The following DLGAP4 variants were observed in gnomAD, a reference collection of about 807,000 sequenced individuals.
DLGAP4 encodes the protein DLG associated protein 4, also known as disks large-associated protein 4.
In DLGAP4, 18 loss-of-function variants were observed where a neutral mutation model predicts 86.9. The observed-to-expected ratio is 0.21, with a 90% confidence interval of 0.14 to 0.31. The LOEUF (loss-of-function observed/expected upper bound fraction) is 0.31, where lower values mean the gene tolerates loss of function less well. Among genes scored for constraint, DLGAP4 ranks in the 10% least tolerant of loss-of-function variants. The pLI is 1.00. For synonymous variants in DLGAP4, 548 were observed against 574.3 expected, an observed-to-expected ratio of 0.95 and a Z score of 0.65; for missense variants, 1,085 against 1,362.6, an observed-to-expected ratio of 0.80 and a Z score of 3.21.
chr20:36,453,953 A>AAAAAAAAG (rs2033811273), intron 7 of DLGAP4, among the ~76,000 whole-genome samples: 1 of 148,008 alleles, frequency 6.8e-6, no homozygotes, highest in African/African-American at 2.5e-5. Flanking sequence ...AAAAAAAAAA[A>AAAAAAAAG]AAAGAAAGAA....
At chr20:36,374,341 G>A (rs1017958367) in intron 2 of DLGAP4, among the ~76,000 whole-genome samples, 1 of 152,228 alleles carries the variant, frequency 6.6e-6, no homozygotes, top group Non-Finnish European at 1.5e-5. Flanking sequence ...CAAGGAAGAG[G>A]CTTCTTGGAG....
At chr20:36,338,886 A>AC (rs1331186877) in intron 1 of DLGAP4, among the ~76,000 whole-genome samples, 3 of 152,184 alleles carry the variant, frequency 2.0e-5, no homozygotes, top group Non-Finnish European at 4.4e-5. Context: ...TGGGCAAGGA[A>AC]ACAGCATGGC....
chr20:36,317,316 CCTT>C (rs1346750791), intron 1 of DLGAP4, among the ~76,000 whole-genome samples: 3,325 of 8,622 alleles, frequency 0.39, 341 homozygotes, highest in African/African-American at 0.54. Flanking sequence ...TTCCTTCCTT[CCTT>C]CCTTCCTTCC....
intron 7 of DLGAP4, among the ~76,000 whole-genome samples, chr20:36,481,725 C>T (rs896531994): frequency 2.6e-5 from 4 of 152,146 alleles, no homozygotes; most frequent in South Asian, 2.1e-4. Context: ...TGAGACTTCT[C>T]CCTGTGTGGA....
At chr20:36,321,349 C>T (rs1208648589) in intron 1 of DLGAP4, among the ~76,000 whole-genome samples, 4 of 152,250 alleles carry the variant, frequency 2.6e-5, no homozygotes, top group African/African-American at 9.6e-5. Flanking sequence ...CTTTCAGAGC[C>T]TCAAGTGCCA....
intron 7 of DLGAP4, among the ~76,000 whole-genome samples, chr20:36,473,650 A>C (rs73277341): frequency 0.011 from 1,708 of 152,234 alleles, 35 homozygotes; most frequent in African/African-American, 0.039. Context: ...ATTTCCCACT[A>C]TGCTACCCAC....
chr20:36,343,258 G>C (rs970950072), intron 1 of DLGAP4, among the ~76,000 whole-genome samples: 3 of 152,228 alleles, frequency 2.0e-5, no homozygotes, highest in African/African-American at 7.2e-5. Flanking sequence ...GCAACGAACA[G>C]CTGTGGCTTG....
At chr20:36,379,841 C>A (rs537200930) in intron 2 of DLGAP4, among the ~76,000 whole-genome samples, 157 of 152,310 alleles carry the variant, frequency 1.0e-3, no homozygotes, top group African/African-American at 3.7e-3. Context: ...CTGCATGTAA[C>A]AGAAAACAAG....
chr20:36,419,759 C>T lies in DLGAP4; in HGVS notation c.-72-11887C>T, dbSNP rs116517877. ...CTACTTGAGTGTCCTCACAACATGGCGGCTAACTTCTCCAAGGGAGCAAAG... is the reference window on the plus strand; with the variant it reads ...CTACTTGAGTGTCCTCACAACATGGTGGCTAACTTCTCCAAGGGAGCAAAG... On this transcript the variant is annotated intron_variant, in intron 2 of 12. Coordinates refer to ENST00000339266, the MANE Select transcript of DLGAP4 (RefSeq NM_001365621.2). Among the ~76,000 whole-genome samples the T allele has an allele frequency of 5.0e-3, 765 of 152,296 alleles. 8 individuals carry two copies. Among genetic ancestry groups the T allele is most frequent in the African/African-American group, 0.018 (739 of 41,556 alleles).
Position 36,499,641 on chromosome 20 carries a change from C to T in DLGAP4, c.2064C>T (p.Phe688=), listed in dbSNP as rs1427820875. 5.0e-6 allele frequency: 8 copies of T among 1,613,772 alleles called. No homozygotes were observed. Among genetic ancestry groups the T allele is most frequent in the Middle Eastern group, 1.6e-4 (1 of 6,084 alleles). ...PKEEPSPATK[F]QSIGVQVEDD... ...AGGAGCCCAGTCCCGCTACCAAATT[C>T]CAGTCCATCGGGGTTCAGGTAGAGG... The change falls in exon 9 of 13, where the codon TTC becomes TTT. Residue 688 remains phenylalanine, a synonymous_variant. Transcript: ENST00000339266.
chr20:36,343,094 AGTTTGGGCCTTTTCCTAAGTG>A (rs2065400392), intron 1 of DLGAP4, among the ~76,000 whole-genome samples: 2 of 142,460 alleles, frequency 1.4e-5, no homozygotes, highest in African/African-American at 6.2e-5. Context: ...CCTCAGCCCC[AGTTTGGGCCTTTTCCTAAGTG>A]CCCTGGAAAG....
At chr20:36,324,266 A>C (rs2065196265) in intron 1 of DLGAP4, among the ~76,000 whole-genome samples, 1 of 152,062 alleles carries the variant, frequency 6.6e-6, no homozygotes, top group African/African-American at 2.4e-5. Context: ...ACCTCTACTA[A>C]AAATACAAAA....
At chr20:36,435,318 C>T (rs1018830824) in intron 3 of DLGAP4, among the ~76,000 whole-genome samples, 11 of 152,132 alleles carry the variant, frequency 7.2e-5, no homozygotes, top group East Asian at 1.9e-4. Flanking sequence ...AATGAAATGG[C>T]GAGGAATGTA....
At chr20:36,507,598 C>G (rs1203588669) in intron 10 of DLGAP4, 6 of 152,226 alleles carry the variant, frequency 3.9e-5, no homozygotes, top group Non-Finnish European at 8.8e-5. Flanking sequence ...CCATTCGTAG[C>G]TGGGCCTCAG....
chr20:36,388,442 C>G (rs554431006), intron 2 of DLGAP4, among the ~76,000 whole-genome samples: 1 of 152,156 alleles, frequency 6.6e-6, no homozygotes, highest in Non-Finnish European at 1.5e-5. Context: ...GTCCCTCCCC[C>G]GTGGCCCACC....
At chr20:36,437,275 C>G (rs2033315398) in intron 4 of DLGAP4, among the ~76,000 whole-genome samples, 1 of 152,236 alleles carries the variant, frequency 6.6e-6, no homozygotes, top group South Asian at 2.1e-4. Flanking sequence ...CACAGGTGAG[C>G]TGCATCCTTT....
At chr20:36,345,701 C>T (rs2029915342) in intron 1 of DLGAP4, among the ~76,000 whole-genome samples, 1 of 152,186 alleles carries the variant, frequency 6.6e-6, no homozygotes, top group African/African-American at 2.4e-5. Flanking sequence ...AATCCACCCA[C>T]CTGCCCCACT....
At chr20:36,477,090 T>C (rs1171197994) in intron 7 of DLGAP4, among the ~76,000 whole-genome samples, 2 of 151,478 alleles carry the variant, frequency 1.3e-5, no homozygotes, top group Non-Finnish European at 2.9e-5. Flanking sequence ...TCCAAGTTTG[T>C]TTTTTTCTCT....
intron 11 of DLGAP4, 96 bp from the exon 12 acceptor site, chr20:36,525,755 T>C (rs934799758): frequency 3.9e-6 from 6 of 1,550,348 alleles, no homozygotes; most frequent in Non-Finnish European, 5.2e-6. Context: ...CCGCGGGTGC[T>C]GGCAGGGCCC....
Sources: gnomAD v4.1 joint callset for allele counts (sites outside exome capture counted in the v4.1 genomes callset) on GRCh38, gnomAD v4.1.1 for gene constraint, MANE v1.5 for transcripts, NCBI Gene and HGNC (gene_info 2026-07-23, HGNC 2026-07-21) for gene names.